POU2AF3: variants seen among roughly 807,000 people sequenced by gnomAD.
POU2AF3 encodes the protein cancer susceptibility candidate 13.
At chr11:111,308,384 G>A in the POU2AF3 span, 1,403 of 1,551,388 alleles carry the variant, frequency 9.0e-4, 1 homozygote, top group Non-Finnish European at 1.1e-3. Context: ...CTCAGCAGCC[G>A]CCACCAGTGA....
the POU2AF3 span, chr11:111,298,825 G>GGCCGGGGGC: frequency 2.3e-6 from 2 of 852,674 alleles, no homozygotes; most frequent in Non-Finnish European, 3.1e-6. Context: ...GCGTACCCCA[G>GGCCGGGGGC]GCCCCCGCCC....
At chr11:111,298,826 G>GCCGGGGGGGGGGCC in the POU2AF3 span, 1 of 790,962 alleles carries the variant, frequency 1.3e-6, no homozygotes, top group Non-Finnish European at 1.7e-6. Flanking sequence ...CGTACCCCAG[G>GCCGGGGGGGGGGCC]CCCCCGCCCG....
the POU2AF3 span, chr11:111,308,305 A>C: frequency 6.4e-7 from 1 of 1,551,644 alleles, no homozygotes; most frequent in Non-Finnish European, 8.7e-7. Context: ...CGTGTGAGGC[A>C]GAGGACTTGG....
the POU2AF3 span, among the ~76,000 whole-genome samples, chr11:111,307,778 T>C: frequency 2.0e-5 from 3 of 152,152 alleles, no homozygotes; most frequent in Non-Finnish European, 2.9e-5. Context: ...CACAATGGGA[T>C]TTTGTGGTTT....
the POU2AF3 span, chr11:111,300,266 A>G: frequency 3.1e-6 from 1 of 318,270 alleles, no homozygotes; most frequent in East Asian, 5.0e-5. Flanking sequence ...TTGGCCTAGG[A>G]CTGAGGCCCA....
the POU2AF3 span, chr11:111,306,540 C>T: frequency 6.4e-7 from 1 of 1,551,538 alleles, no homozygotes; most frequent in African/African-American, 1.4e-5. Context: ...GCACCCGGAG[C>T]CTTTGCTCAA....
Sources: gnomAD v4.1 joint callset for allele counts (sites outside exome capture counted in the v4.1 genomes callset) on GRCh38, gnomAD v4.1.1 for gene constraint, MANE v1.5 for transcripts, NCBI Gene and HGNC (gene_info 2026-07-23, HGNC 2026-07-21) for gene names.